CNTN3: variants seen among roughly 807,000 people sequenced by gnomAD.
CNTN3 encodes the protein contactin-3.
Under a neutral mutation model 119.1 loss-of-function variants are expected in CNTN3, and 60 were observed. That is an observed-to-expected ratio of 0.50 (90% CI 0.41 to 0.62). The LOEUF (loss-of-function observed/expected upper bound fraction) is 0.62, where lower values mean the gene tolerates loss of function less well. CNTN3 is among the 20% of genes least tolerant of loss of function. The pLI is 0.00. For synonymous variants in CNTN3, 450 were observed against 438.7 expected (o/e 1.03, Z -0.32); for missense variants, 1,101 against 1,242.4 (o/e 0.89, Z 1.71).
chr3:74,409,790 T>A (rs1348422697), intron 5 of CNTN3, among the ~76,000 whole-genome samples: 3 of 152,192 alleles, frequency 2.0e-5, no homozygotes, highest in African/African-American at 7.2e-5. Flanking sequence ...CAACTTAGAG[T>A]TATTGGAATA....
intron 5 of CNTN3, among the ~76,000 whole-genome samples, chr3:74,397,066 G>C (rs900939126): frequency 2.0e-5 from 3 of 152,182 alleles, no homozygotes; most frequent in African/African-American, 7.2e-5. Context: ...AAGCTTCAAA[G>C]AAGAGGCTGA....
chr3:74,494,909 ATTGT>A lies in CNTN3; in HGVS notation c.182+4746_182+4749del, dbSNP rs1472338118. Among the ~76,000 whole-genome samples, 10 of 152,096 alleles carry A rather than the reference ATTGT, an allele frequency of 6.6e-5. 1 individual carries two copies. The highest frequency in any genetic ancestry group is 1.0e-4 in the Non-Finnish European group (7 of 68,010). On this transcript the variant is annotated intron_variant, in intron 3 of 22. Coordinates refer to ENST00000263665, the MANE Select transcript of CNTN3 (RefSeq NM_020872.3). ...GTAATGCAATGCAACGGTTGGGCAC[ATTGT>A]TTGAGCACAGAATCCAGCACTAAGG...
intron 4 of CNTN3, among the ~76,000 whole-genome samples, chr3:74,460,818 TGCCTTTCA>T (rs1702353338): frequency 9.0e-6 from 1 of 110,882 alleles, no homozygotes; most frequent in South Asian, 3.1e-4. Context: ...TATATATATA[TGCCTTTCA>T]TTTCTTTCTT....
intron 4 of CNTN3, among the ~76,000 whole-genome samples, chr3:74,458,754 T>C (rs1702313567): frequency 2.0e-5 from 3 of 152,082 alleles, no homozygotes; most frequent in Admixed American, 1.3e-4. Context: ...AACTATTCTG[T>C]AGCTTGATTT....
intron 19 of CNTN3, among the ~76,000 whole-genome samples, chr3:74,293,319 G>T (rs1382951159): frequency 6.6e-6 from 1 of 152,098 alleles, no homozygotes; most frequent in Admixed American, 6.6e-5. Flanking sequence ...ATTAATTCAA[G>T]TCGATGCTTG....
At chr3:74,309,578 T>C (rs1409639963) in intron 13 of CNTN3, among the ~76,000 whole-genome samples, 1 of 152,106 alleles carries the variant, frequency 6.6e-6, no homozygotes, top group Non-Finnish European at 1.5e-5. Flanking sequence ...AACACCTAGG[T>C]CACATCCAGA....
At chr3:74,386,659 GCCAGGGAAAGATTCCTTT>G (rs1191860536) in intron 5 of CNTN3, among the ~76,000 whole-genome samples, 1 of 152,200 alleles carries the variant, frequency 6.6e-6, no homozygotes, top group African/African-American at 2.4e-5. Context: ...AGCTCTGTAA[GCCAGGGAAAGATTCCTTT>G]CCTCTCTATT....
intron 16 of CNTN3, among the ~76,000 whole-genome samples, chr3:74,300,909 G>T (rs1015704216): frequency 1.3e-5 from 2 of 152,124 alleles, no homozygotes; most frequent in African/African-American, 4.8e-5. Flanking sequence ...GTCTCACATG[G>T]AAATTCCTAT....
intron 13 of CNTN3, among the ~76,000 whole-genome samples, chr3:74,331,451 A>G (rs768397009): frequency 6.6e-6 from 1 of 152,154 alleles, no homozygotes; most frequent in South Asian, 2.1e-4. Context: ...CTAGTAACAC[A>G]TTTCTCAGAA....
chr3:74,316,004 C>T (rs949729259), intron 13 of CNTN3, among the ~76,000 whole-genome samples: 7 of 151,982 alleles, frequency 4.6e-5, no homozygotes, highest in African/African-American at 1.7e-4. Flanking sequence ...CAAGTGGGAC[C>T]TAATTAAACT....
intron 3 of CNTN3, among the ~76,000 whole-genome samples, chr3:74,488,282 T>G (rs1201468948): frequency 6.6e-6 from 1 of 151,778 alleles, no homozygotes; most frequent in East Asian, 1.9e-4. Flanking sequence ...CTGGCTAATT[T>G]TTTTGTATTT....
In CNTN3 at chr3:74,285,489, C is replaced by T. The variant is rs187805933; in HGVS notation, c.2520G>A (p.Val840=). The stretch of plus-strand genomic sequence containing the variant: ...CCTTTCCACCCCCATTCCAGTACCG[C>T]ACCTGGTGGGCGGAAGACACCAAAC... The part of the protein sequence containing the change: ...LSNGHLLGYE[V]RYWNGGGKEE... The change falls in exon 20 of 23, where the codon GTG becomes GTA. Residue 840 remains valine (V), a splice_region_variant and synonymous_variant. Coordinates refer to ENST00000263665, the MANE Select transcript of CNTN3 (RefSeq NM_020872.3). 6 of 1,607,764 alleles carry T rather than the reference C, an allele frequency of 3.7e-6. No homozygotes were observed. Among genetic ancestry groups the T allele is most frequent in the Non-Finnish European group, 4.2e-6 (5 of 1,177,490 alleles).
chr3:74,265,254 G>A (rs998768297), intron 22 of CNTN3, among the ~76,000 whole-genome samples: 5 of 152,138 alleles, frequency 3.3e-5, no homozygotes, highest in Non-Finnish European at 7.4e-5. Flanking sequence ...GACAGCAGAT[G>A]TCAGATGAAA....
intron 1 of CNTN3, among the ~76,000 whole-genome samples, chr3:74,545,581 G>A (rs1184193330): frequency 2.0e-5 from 3 of 152,062 alleles, no homozygotes; most frequent in African/African-American, 7.2e-5. Context: ...TAGGCTATAA[G>A]TTCACTAAGG....
intron 13 of CNTN3, among the ~76,000 whole-genome samples, chr3:74,325,483 G>C (rs1703106066): frequency 6.6e-6 from 1 of 152,078 alleles, no homozygotes; most frequent in Admixed American, 6.5e-5. Context: ...ATGAGATATG[G>C]CTTCTCAGCC....
At chr3:74,462,436 G>A (rs922625266) in intron 4 of CNTN3, among the ~76,000 whole-genome samples, 1 of 151,936 alleles carries the variant, frequency 6.6e-6, no homozygotes, top group East Asian at 1.9e-4. Flanking sequence ...TCATGTCTAT[G>A]CCTTTGTTTT....
intron 1 of CNTN3, among the ~76,000 whole-genome samples, chr3:74,608,027 G>A (rs184752613): frequency 3.9e-5 from 6 of 152,260 alleles, no homozygotes; most frequent in Middle Eastern, 3.4e-3. Context: ...GTCACCATAC[G>A]GGGAAGTTGG....
chr3:74,392,167 T>C, intron 5 of CNTN3, among the ~76,000 whole-genome samples: 1 of 152,120 alleles, frequency 6.6e-6, no homozygotes, highest in Non-Finnish European at 1.5e-5. Flanking sequence ...ACATATAAAC[T>C]AGGTTCCAAG....
chr3:74,294,239 CA>C (rs1702289846), intron 19 of CNTN3, among the ~76,000 whole-genome samples: 1 of 152,154 alleles, frequency 6.6e-6, no homozygotes, highest in South Asian at 2.1e-4. Context: ...TCATTGCTGG[CA>C]AAATCTTTGA....
Sources: gnomAD v4.1 joint callset for allele counts (sites outside exome capture counted in the v4.1 genomes callset) on GRCh38, gnomAD v4.1.1 for gene constraint, MANE v1.5 for transcripts, NCBI Gene and HGNC (gene_info 2026-07-23, HGNC 2026-07-21) for gene names.